The following PCDH7 variants were observed in gnomAD, a reference collection of about 807,000 sequenced individuals.
PCDH7 encodes the protein protocadherin 7, also known as protocadherin-7.
PCDH7 carries 17 observed loss-of-function variants against 58.9 expected under a neutral mutation model. The observed-to-expected ratio is 0.29, with a 90% CI of 0.20 to 0.43. The LOEUF (loss-of-function observed/expected upper bound fraction) is 0.43, where lower values mean the gene tolerates loss of function less well. Ranked by LOEUF, PCDH7 falls within the 20% of genes least tolerant of loss-of-function variation. PCDH7 has a pLI of 1.00. For missense variants in PCDH7, 1,274 were observed against 1,441.0 expected (o/e 0.88, Z 1.88); for synonymous variants, 664 against 616.4 (o/e 1.08, Z -1.14).
At chr4:30,783,526 A>G (rs1455312163) in intron 1 of PCDH7, among the ~76,000 whole-genome samples, 1 of 152,256 alleles carries the variant, frequency 6.6e-6, no homozygotes, top group Non-Finnish European at 1.5e-5. Context: ...TGCATGATTT[A>G]GTATTGAAGC....
intron 3 of PCDH7, among the ~76,000 whole-genome samples, chr4:31,136,223 T>G (rs1719579697): frequency 6.6e-6 from 1 of 152,160 alleles, no homozygotes; most frequent in African/African-American, 2.4e-5. Flanking sequence ...GACCTACTAT[T>G]TACTGAACAC....
intron 1 of PCDH7, among the ~76,000 whole-genome samples, chr4:30,878,907 C>T (rs4408919): frequency 0.042 from 6,421 of 152,176 alleles, 231 homozygotes; most frequent in Admixed American, 0.11. Flanking sequence ...CCACTATTTT[C>T]ATGTGTTTTC....
At chr4:30,793,635 A>G (rs750481727) in intron 1 of PCDH7, among the ~76,000 whole-genome samples, 19 of 152,180 alleles carry the variant, frequency 1.2e-4, no homozygotes, top group Non-Finnish European at 2.5e-4. Flanking sequence ...ATGAGAATAC[A>G]CATATACTTT....
At chr4:30,814,254 C>T (rs918244437) in intron 1 of PCDH7, among the ~76,000 whole-genome samples, 1 of 151,662 alleles carries the variant, frequency 6.6e-6, no homozygotes, top group Non-Finnish European at 1.5e-5. Flanking sequence ...AGTAATACGC[C>T]TATATTAAAT....
At chr4:30,920,498 A>G (rs1438968715) in intron 2 of PCDH7, 129 bp downstream of exon 2, 1 of 491,712 alleles carries the variant, frequency 2.0e-6, no homozygotes, top group Non-Finnish European at 3.3e-6. Context: ...AGTGATAAAT[A>G]TTTGCTAAAA....
chr4:30,980,615 A>G (rs1376100335), intron 3 of PCDH7, among the ~76,000 whole-genome samples: 2 of 152,194 alleles, frequency 1.3e-5, no homozygotes, highest in African/African-American at 4.8e-5. Context: ...AACATCGAGT[A>G]TCATACTCAC....
intron 1 of PCDH7, among the ~76,000 whole-genome samples, chr4:30,892,401 T>A (rs1197579381): frequency 2.0e-5 from 3 of 151,904 alleles, no homozygotes; most frequent in African/African-American, 4.8e-5. Context: ...GTGTACTACA[T>A]AGGAAAAAAA....
intron 1 of PCDH7, among the ~76,000 whole-genome samples, chr4:30,885,611 G>GA (rs1190583227): frequency 3.3e-5 from 5 of 151,916 alleles, no homozygotes; most frequent in Non-Finnish European, 7.4e-5. Context: ...CAAAGAATTG[G>GA]AAAAAACTAC....
intron 1 of PCDH7, among the ~76,000 whole-genome samples, chr4:30,788,010 G>T (rs990709245): frequency 1.3e-5 from 2 of 151,848 alleles, no homozygotes; most frequent in African/African-American, 4.8e-5. Flanking sequence ...TGATACCAAC[G>T]CCTGAAAATA....
At chr4:30,873,212 C>G (rs574353802) in intron 1 of PCDH7, among the ~76,000 whole-genome samples, 1 of 152,000 alleles carries the variant, frequency 6.6e-6, no homozygotes, top group Non-Finnish European at 1.5e-5. Flanking sequence ...ACTAAGTCCT[C>G]TAGCCACACT....
At chr4:31,026,457 T>G (rs1046555706) in intron 3 of PCDH7, among the ~76,000 whole-genome samples, 4 of 152,164 alleles carry the variant, frequency 2.6e-5, no homozygotes, top group African/African-American at 4.8e-5. Context: ...ACAACACGTG[T>G]TCGTAGTTTT....
chr4:31,132,780 A>G (rs1442209228), intron 3 of PCDH7, among the ~76,000 whole-genome samples: 1 of 152,166 alleles, frequency 6.6e-6, no homozygotes, highest in Admixed American at 6.6e-5. Context: ...TTTACTTCTT[A>G]TGACAAATAA....
chr4:30,921,793 T>C (rs1743216154), intron 2 of PCDH7, among the ~76,000 whole-genome samples: 1 of 151,504 alleles, frequency 6.6e-6, no homozygotes, highest in African/African-American at 2.4e-5. Context: ...TGCTGATGAA[T>C]ATATATTTAA....
chr4:31,127,717 A>G (rs989811448), intron 3 of PCDH7, among the ~76,000 whole-genome samples: 10 of 152,146 alleles, frequency 6.6e-5, no homozygotes, highest in Non-Finnish European at 1.3e-4. Context: ...TCTTTGAGTT[A>G]TCTGAATTAT....
intron 1 of PCDH7, among the ~76,000 whole-genome samples, chr4:30,845,600 T>G (rs1450696177): frequency 6.6e-6 from 1 of 152,114 alleles, no homozygotes; most frequent in East Asian, 1.9e-4. Context: ...CTGTGTATTC[T>G]CTCTTTGTCT....
At chr4:31,138,566 C>G (rs1459581578) in intron 3 of PCDH7, among the ~76,000 whole-genome samples, 2 of 152,136 alleles carry the variant, frequency 1.3e-5, no homozygotes. Flanking sequence ...TTCAGCTCTC[C>G]CGTAGCTTGG....
At chr4:31,026,064 A>G (rs1303927459) in intron 3 of PCDH7, among the ~76,000 whole-genome samples, 1 of 152,218 alleles carries the variant, frequency 6.6e-6, no homozygotes, top group Admixed American at 6.5e-5. Context: ...CATGTCTTAC[A>G]CTGCCATTAC....
At chr4:31,146,184 A>G (rs1169940844), downstream of PCDH7, 1 of 152,002 alleles carries the variant, frequency 6.6e-6, no homozygotes, top group Non-Finnish European at 1.5e-5. Context: ...TGACTGAAAC[A>G]CTACCCTAGG....
chr4:30,892,933 C>G (rs1400711901), intron 1 of PCDH7, among the ~76,000 whole-genome samples: 1 of 152,036 alleles, frequency 6.6e-6, no homozygotes, highest in African/African-American at 2.4e-5. Context: ...TTACCTAGGC[C>G]ACTTCCTGTT....
Sources: allele counts gnomAD v4.1 joint callset (sites outside exome capture counted in the v4.1 genomes callset), GRCh38; gene constraint gnomAD v4.1.1; transcripts MANE v1.5; gene names NCBI Gene and HGNC (gene_info 2026-07-23, HGNC 2026-07-21).